LAMA4: variants seen among roughly 807,000 people sequenced by gnomAD.
The protein encoded by LAMA4 is laminin subunit alpha 4, also known as laminin subunit alpha-4.
Under a neutral mutation model 207.1 loss-of-function variants are expected in LAMA4, and 127 were observed. The ratio of observed to expected loss-of-function variants is 0.61; its 90% CI spans 0.53 to 0.71. The LOEUF (loss-of-function observed/expected upper bound fraction) is 0.71, where lower values mean the gene tolerates loss of function less well. Among genes scored for constraint, LAMA4 ranks in the 30% least tolerant of loss-of-function variants. The pLI, the probability that LAMA4 is intolerant of heterozygous loss-of-function variation, is 0.00. For missense variants in LAMA4, 2,093 were observed against 2,246.5 expected (o/e 0.93, Z 1.38); for synonymous variants, 761 against 816.0 (o/e 0.93, Z 1.15).
At chr6:112,190,947 CCTT>C (rs1378032163) in intron 6 of LAMA4, among the ~76,000 whole-genome samples, 1 of 40,514 alleles carries the variant, frequency 2.5e-5, no homozygotes, top group Non-Finnish European at 4.7e-5. Flanking sequence ...TTCTTTCTTT[CCTT>C]TCTTTCTTTC....
At chr6:112,180,338 T>C (rs1464220130) in intron 9 of LAMA4, among the ~76,000 whole-genome samples, 3 of 152,318 alleles carry the variant, frequency 2.0e-5, no homozygotes, top group African/African-American at 2.4e-5. Flanking sequence ...ATTGATATAC[T>C]GTATATATGA....
At chr6:112,239,321 CAAAAAAAAAAA>C (rs1202967086) in intron 2 of LAMA4, among the ~76,000 whole-genome samples, 3 of 78,240 alleles carry the variant, frequency 3.8e-5, no homozygotes, top group African/African-American at 1.5e-4. Context: ...GACTCCATCT[CAAAAAAAAAAA>C]AAAAAAAAAG....
intron 23 of LAMA4, 133 bp from the exon 24 acceptor site, chr6:112,139,424 AG>A: frequency 1.0e-6 from 1 of 968,602 alleles, no homozygotes; most frequent in Admixed American, 2.0e-5. Context: ...GTTGTCTGCA[AG>A]GAAGAGATAA....
intron 29 of LAMA4, among the ~76,000 whole-genome samples, chr6:112,130,374 A>C (rs1778968704): frequency 6.6e-6 from 1 of 151,408 alleles, no homozygotes; most frequent in South Asian, 2.1e-4. Flanking sequence ...TCACTTAATC[A>C]CATTTGTGGA....
At chr6:112,200,084 T>G in intron 5 of LAMA4, 1 of 531,620 alleles carries the variant, frequency 1.9e-6, no homozygotes, top group South Asian at 1.4e-5. Flanking sequence ...CATTTTATCT[T>G]ACAACACTGC....
intron 33 of LAMA4, among the ~76,000 whole-genome samples, chr6:112,119,831 T>C (rs1778244310): frequency 6.6e-6 from 1 of 152,254 alleles, no homozygotes. Context: ...TTACTTGTAA[T>C]GCATGTTACA....
At position 112,150,567 on chromosome 6, in the gene LAMA4, C is replaced by CTT; in HGVS notation, c.2115_2116dup (p.Ser706LysfsTer32). 1 of 1,614,046 alleles carries CTT rather than the reference C, an allele frequency of 6.2e-7. No homozygotes were observed. The highest frequency in any genetic ancestry group is 1.1e-5 in the South Asian group (1 of 91,080). On this transcript the variant is annotated frameshift_variant, in exon 17 of 39. Transcript: ENST00000230538. LOFTEE classifies it high-confidence loss of function. The stretch of plus-strand genomic sequence containing the variant: ...ATCACTGAGTCTGGTTTTAAGGGCA[C>CTT]TTTTCCTTGCTAGGGCTCCACCCAC...
In LAMA4 at chr6:112,216,373, A is replaced by G. The variant is rs375983375; in HGVS notation, c.292T>C (p.Cys98Arg). 9 of 1,607,950 alleles carry G rather than the reference A, an allele frequency of 5.6e-6. No individual in the cohort carries two copies. Among genetic ancestry groups the G allele is most frequent in the Non-Finnish European group, 7.7e-6 (9 of 1,174,344 alleles). ...TTATAGGTGCCCCAACTTACCACAC[A>G]GTATCCTGAGCCGTCCAAACACTCG... is the stretch of plus-strand genomic sequence containing the variant. ...SNECLDGSGYCVHCQRNTTGE... is the reference protein window; with the variant it reads ...SNECLDGSGYRVHCQRNTTGE... Residue 98 changes from cysteine to arginine, a missense_variant, in exon 3 of 39, where the codon TGT becomes CGT. Coordinates refer to ENST00000230538, the MANE Select transcript of LAMA4 (RefSeq NM_001105206.3).
At chr6:112,127,640 C>T (rs1299309100) in intron 31 of LAMA4, among the ~76,000 whole-genome samples, 2 of 151,976 alleles carry the variant, frequency 1.3e-5, no homozygotes, top group Non-Finnish European at 2.9e-5. Flanking sequence ...GCCATTTGAG[C>T]ACAGTAGTGA....
intron 16 of LAMA4, among the ~76,000 whole-genome samples, chr6:112,153,132 A>T (rs1554336089): frequency 1.3e-5 from 2 of 152,068 alleles, no homozygotes; most frequent in African/African-American, 4.8e-5. Context: ...CAGCTTCCTG[A>T]GATTATATTG....
chr6:112,121,294 C>T (rs1554326106), intron 32 of LAMA4, among the ~76,000 whole-genome samples: 1 of 152,182 alleles, frequency 6.6e-6, no homozygotes, highest in Non-Finnish European at 1.5e-5. Flanking sequence ...AGAAATTTAG[C>T]CCCAGGCTAT....
intron 4 of LAMA4, among the ~76,000 whole-genome samples, chr6:112,203,632 C>T (rs555848407): frequency 1.3e-5 from 2 of 152,252 alleles, no homozygotes; most frequent in South Asian, 2.1e-4. Flanking sequence ...TGAACCCCTC[C>T]TCTCCTTTTT....
chr6:112,173,645 T>G (rs1420212977), intron 11 of LAMA4, among the ~76,000 whole-genome samples: 47 of 152,334 alleles, frequency 3.1e-4, no homozygotes, highest in African/African-American at 1.1e-3. Context: ...GACTCAGAAC[T>G]GGGGCCTGAG....
chr6:112,150,260 G>T (rs79611412), intron 17 of LAMA4, among the ~76,000 whole-genome samples: 1 of 147,242 alleles, frequency 6.8e-6, no homozygotes, highest in Non-Finnish European at 1.5e-5. Flanking sequence ...CACACACACA[G>T]AGGCAATGCT....
At chr6:112,241,165 A>ATATATATG (rs1554187626) in intron 2 of LAMA4, among the ~76,000 whole-genome samples, 2 of 88,220 alleles carry the variant, frequency 2.3e-5, no homozygotes, top group East Asian at 5.2e-4. Flanking sequence ...ATATATGAAT[A>ATATATATG]TATATGAATA....
rs1562629483 is a variant in LAMA4, at chr6:112,120,459, T to G, written c.4489A>C (p.Ile1497Leu). ...GDFGAKSQFSIRLRTRSSHGM... is the reference protein window; with the variant it reads ...GDFGAKSQFSLRLRTRSSHGM... ...TGGGAGGAACGAGTTCTCAGACGAA[T>G]GGAAAACTGAGATCTGGTAAATGAA... Residue 1497 changes from isoleucine to leucine, a missense_variant, in exon 33 of 39, where the codon ATT becomes CTT. By Grantham distance (5) the Ile-to-Leu change is conservative (BLOSUM62 2). Around this residue, in one of 3 missense-constraint regions of LAMA4, gnomAD observed 383 missense variants for 437.8 expected, o/e 0.87. Coordinates refer to ENST00000230538, the MANE Select transcript of LAMA4 (RefSeq NM_001105206.3). The G allele has an allele frequency of 6.2e-7, 1 of 1,613,044 alleles. No individual in the cohort carries two copies. The highest frequency in any genetic ancestry group is 2.2e-5 in the East Asian group (1 of 44,836).
At chr6:112,243,473 A>AT (rs1156228409) in intron 2 of LAMA4, among the ~76,000 whole-genome samples, 12 of 151,466 alleles carry the variant, frequency 7.9e-5, no homozygotes, top group South Asian at 2.1e-4. Context: ...ATCAGTTTTA[A>AT]TTTTTTTTTA....
intron 8 of LAMA4, chr6:112,186,773 A>G: frequency 2.2e-6 from 1 of 449,958 alleles, no homozygotes; most frequent in Non-Finnish European, 4.4e-6. Flanking sequence ...TTTTTATAAA[A>G]TATATTTTCT....
In LAMA4 at chr6:112,207,560, G is replaced by A. The variant is rs72950269; in HGVS notation, c.298-415C>T. ...AACCAAACAAACAAACATCCCCCTG[G>A]TACTTATCCATGGCAATGGGAACAA... On this transcript the variant is annotated intron_variant, in intron 3 of 38. Coordinates refer to ENST00000230538, the MANE Select transcript of LAMA4 (RefSeq NM_001105206.3). Among the ~76,000 whole-genome samples, 433 of 140,704 alleles carry A rather than the reference G, an allele frequency of 3.1e-3. 4 individuals carry two copies. The highest frequency in any genetic ancestry group is 0.013 in the South Asian group (61 of 4,816). 92.3% of individuals were successfully genotyped at this position (140,704 alleles called of 152,430 possible).
Sources: allele counts gnomAD v4.1 joint callset (sites outside exome capture counted in the v4.1 genomes callset), GRCh38; gene constraint gnomAD v4.1.1; regional missense constraint gnomAD v4.1.1; transcripts MANE v1.5; gene names NCBI Gene and HGNC (gene_info 2026-07-23, HGNC 2026-07-21).